Variants in SCAMP2 observed in about 807,000 individuals in gnomAD.
SCAMP2 encodes the protein secretory carrier-associated membrane protein 2.
Under a neutral mutation model 44.1 loss-of-function variants are expected in SCAMP2, and 25 were observed. The observed-to-expected ratio is 0.57, with a 90% confidence interval of 0.41 to 0.79. The LOEUF (loss-of-function observed/expected upper bound fraction) is 0.79. SCAMP2 is among the 30% of genes least tolerant of loss of function. The pLI is 0.00. For missense variants in SCAMP2, 355 were observed against 411.0 expected, an observed-to-expected ratio of 0.86 and a Z score of 1.18; for synonymous variants, 156 against 166.0, an observed-to-expected ratio of 0.94 and a Z score of 0.46.
At chr15:74,848,752 C>T in intron 6 of SCAMP2, 51 bp from the exon 7 acceptor site, 1 of 1,345,398 alleles carries the variant, frequency 7.4e-7, no homozygotes, top group Non-Finnish European at 1.1e-6. Flanking sequence ...CTGTGTTCCT[C>T]AGCATCCTTA....
At chr15:74,851,318 C>T (rs62006632) in intron 5 of SCAMP2, 35 bp downstream of exon 5, 12 of 1,606,582 alleles carry the variant, frequency 7.5e-6, no homozygotes, top group East Asian at 4.5e-5. Flanking sequence ...ACACCCAATT[C>T]GCCCTTGCGC....
intron 6 of SCAMP2, among the ~76,000 whole-genome samples, chr15:74,849,347 C>G (rs1166064483): frequency 3.3e-5 from 5 of 152,050 alleles, no homozygotes; most frequent in Non-Finnish European, 7.4e-5. Flanking sequence ...ACTTGGGAGG[C>G]TGAGACAGGA....
rs1257051484 is a variant in SCAMP2, at chr15:74,843,876, G to T, written c.*1207C>A. On this transcript the variant is annotated 3_prime_UTR_variant, in exon 9 of 9. Coordinates refer to ENST00000268099, the MANE Select transcript of SCAMP2 (RefSeq NM_005697.5). ...CATTCAGTGGCTGGGGCCTGCGGCTGTCTCGGGCCCAGAGCCGGAGGCTAG... is the reference window on the plus strand; with the variant it reads ...CATTCAGTGGCTGGGGCCTGCGGCTTTCTCGGGCCCAGAGCCGGAGGCTAG... The T allele has an allele frequency of 6.6e-6, 1 of 152,356 alleles. No individual in the cohort carries two copies. Among genetic ancestry groups the T allele is most frequent in the East Asian group, 1.9e-4 (1 of 5,180 alleles). The allele number at this position is 152,356 out of a possible 1,614,324, so 9.4% of individuals were successfully genotyped here.
intron 3 of SCAMP2, chr15:74,853,638 G>T: frequency 2.7e-6 from 1 of 365,374 alleles, no homozygotes; most frequent in Middle Eastern, 5.7e-4. Flanking sequence ...AAGGAAGACA[G>T]GAAGGAAGGT....
intron 7 of SCAMP2, among the ~76,000 whole-genome samples, chr15:74,847,843 T>C (rs1399602178): frequency 1.3e-5 from 2 of 152,202 alleles, no homozygotes; most frequent in South Asian, 2.1e-4. Context: ...AGAAGAAGCC[T>C]GTCCAGGGGA....
chr15:74,857,475 T>C (rs1382076885), intron 1 of SCAMP2, among the ~76,000 whole-genome samples: 1 of 152,202 alleles, frequency 6.6e-6, no homozygotes, highest in Non-Finnish European at 1.5e-5. Context: ...CTGAAGTCAC[T>C]GAAATCGGAT....
intron 1 of SCAMP2, among the ~76,000 whole-genome samples, chr15:74,859,978 G>C (rs2064492238): frequency 6.6e-6 from 1 of 152,116 alleles, no homozygotes. Context: ...AAAAAATTCA[G>C]GGCCAGCCGG....
At chr15:74,845,432 GCCT>G (rs1487648641) in intron 8 of SCAMP2, 38 bp downstream of exon 8, 3 of 1,613,700 alleles carry the variant, frequency 1.9e-6, no homozygotes, top group Non-Finnish European at 2.5e-6. Flanking sequence ...ACGGTTGCCT[GCCT>G]CCTCCCATTT....
intron 1 of SCAMP2, among the ~76,000 whole-genome samples, chr15:74,868,118 C>T (rs1345075574): frequency 1.3e-5 from 2 of 152,192 alleles, no homozygotes; most frequent in Admixed American, 6.5e-5. Context: ...CTGCCATAAC[C>T]AACAGAGGAA....
intron 7 of SCAMP2, among the ~76,000 whole-genome samples, chr15:74,846,622 G>A (rs1048751184): frequency 1.3e-5 from 2 of 152,018 alleles, no homozygotes; most frequent in African/African-American, 4.8e-5. Flanking sequence ...AATGAGCCAG[G>A]CATGGTGGCA....
chr15:74,848,946 G>A (rs968727033), intron 6 of SCAMP2, among the ~76,000 whole-genome samples: 4 of 152,024 alleles, frequency 2.6e-5, no homozygotes, highest in African/African-American at 7.3e-5. Context: ...TCAAAGAGCT[G>A]ATAAAGTTGC....
intron 5 of SCAMP2, 79 bp downstream of exon 5, chr15:74,851,273 AG>A (rs1460814271): frequency 1.3e-6 from 2 of 1,503,062 alleles, no homozygotes; most frequent in African/African-American, 2.7e-5. Flanking sequence ...TATACCAGGG[AG>A]GAGCAGCCAG....
intron 1 of SCAMP2, among the ~76,000 whole-genome samples, chr15:74,872,487 T>A (rs1164680251): frequency 2.0e-5 from 3 of 151,464 alleles, no homozygotes; most frequent in African/African-American, 7.3e-5. Context: ...CACAGTTCCA[T>A]CAGACAAACG....
At chr15:74,852,231 C>T in intron 3 of SCAMP2, 45 bp from the exon 4 acceptor site, 4 of 1,359,732 alleles carry the variant, frequency 2.9e-6, no homozygotes, top group African/African-American at 3.0e-5. Context: ...ACACAACAAA[C>T]AGAAACAGTG....
In SCAMP2 at chr15:74,862,853, TACACACACACACACACACACACAC is replaced by T. The variant is rs112611741; in HGVS notation, c.58-8228_58-8205del. Among the ~76,000 whole-genome samples the T allele has an allele frequency of 3.4e-5, 3 of 87,506 alleles. 1 individual carries two copies. The highest frequency in any genetic ancestry group is 7.5e-4 in the South Asian group (2 of 2,672). 57.4% of individuals were successfully genotyped at this position (87,506 alleles called of 152,430 possible). ...AAAAAAAAAAACAAAAAACAAACCATACACACACACACACACACACACACACACACACACACACACACACATATT... is the reference window on the plus strand; with the variant it reads ...AAAAAAAAAAACAAAAAACAAACCATACACACACACACACACACACATATT... On this transcript the variant is annotated intron_variant, in intron 1 of 8. Transcript: ENST00000268099.
intron 6 of SCAMP2, 111 bp from the exon 7 acceptor site, chr15:74,848,812 G>T: frequency 2.8e-6 from 2 of 712,634 alleles, no homozygotes; most frequent in Non-Finnish European, 4.8e-6. Flanking sequence ...GCATGGGCAA[G>T]AGACAGAGCT....
chr15:74,854,175 AG>A, intron 2 of SCAMP2, 56 bp from the exon 3 acceptor site: 2 of 1,499,860 alleles, frequency 1.3e-6, no homozygotes, highest in Non-Finnish European at 1.9e-6. Context: ...GCTGGTGACG[AG>A]GGGGCAAACC....
chr15:74,867,084 T>C (rs557586703), intron 1 of SCAMP2, among the ~76,000 whole-genome samples: 1 of 152,312 alleles, frequency 6.6e-6, no homozygotes, highest in East Asian at 1.9e-4. Context: ...CGTGAGCCAC[T>C]GCGCCCCAGC....
At chr15:74,858,101 C>T (rs1238537924) in intron 1 of SCAMP2, among the ~76,000 whole-genome samples, 5 of 152,096 alleles carry the variant, frequency 3.3e-5, no homozygotes, top group Non-Finnish European at 2.9e-5. Flanking sequence ...GAAAGATGTG[C>T]GTGGCTTCAA....
Sources: allele counts gnomAD v4.1 joint callset (sites outside exome capture counted in the v4.1 genomes callset), GRCh38; gene constraint gnomAD v4.1.1; transcripts MANE v1.5; gene names NCBI Gene and HGNC (gene_info 2026-07-23, HGNC 2026-07-21).